VAC14: variants seen among roughly 807,000 people sequenced by gnomAD.
VAC14 encodes the protein VAC14 component of PIKFYVE complex.
Under a neutral mutation model 85.3 loss-of-function variants are expected in VAC14, and 47 were observed. That is an observed-to-expected ratio of 0.55 (90% CI 0.44 to 0.70). VAC14 has a LOEUF of 0.70. VAC14 is among the 30% of genes least tolerant of loss of function. The probability of loss-of-function intolerance (pLI) is 0.00; values close to 1 mark genes in which losing one functional copy is unlikely to be tolerated. For synonymous variants in VAC14, 447 were observed against 430.5 expected, an observed-to-expected ratio of 1.04 and a Z score of -0.47; for missense variants, 861 against 1,004.3, an observed-to-expected ratio of 0.86 and a Z score of 1.93.
At chr16:70,772,313 G>A in intron 9 of VAC14, 141 bp from the exon 10 acceptor site, 1 of 687,560 alleles carries the variant, frequency 1.5e-6, no homozygotes, top group Non-Finnish European at 2.5e-6. Context: ...TGGCTCTGGA[G>A]CCCTGAGGAC....
intron 13 of VAC14, among the ~76,000 whole-genome samples, chr16:70,735,191 AAC>A (rs544822048): frequency 4.2e-4 from 64 of 152,186 alleles, no homozygotes; most frequent in African/African-American, 1.5e-3. Context: ...CAGAGCGGCC[AAC>A]AGAGGCATCT....
chr16:70,698,939 GC>G, intron 14 of VAC14, 128 bp from the exon 15 acceptor site: 1 of 475,248 alleles, frequency 2.1e-6, no homozygotes, highest in Non-Finnish European at 3.6e-6. Flanking sequence ...CCAGTGTGGA[GC>G]CATGACTCTG....
intron 13 of VAC14, among the ~76,000 whole-genome samples, chr16:70,735,072 A>G (rs2054707479): frequency 6.6e-6 from 1 of 152,192 alleles, no homozygotes; most frequent in African/African-American, 2.4e-5. Context: ...ACGGAAACCC[A>G]GGTCCTGCCA....
intron 18 of VAC14, chr16:70,691,241 C>T (rs1042935835): frequency 2.2e-5 from 22 of 985,322 alleles, no homozygotes; most frequent in Middle Eastern, 5.2e-4. Flanking sequence ...CTCGGAGACC[C>T]GGGAGAGGCT....
chr16:70,725,872 A>C (rs2054412554), intron 14 of VAC14, among the ~76,000 whole-genome samples: 2 of 152,240 alleles, frequency 1.3e-5, no homozygotes, highest in Admixed American at 1.3e-4. Flanking sequence ...GGTTCGGATC[A>C]GGCCCTGGCA....
intron 1 of VAC14, among the ~76,000 whole-genome samples, chr16:70,798,562 G>A (rs960062607): frequency 1.3e-5 from 2 of 152,210 alleles, no homozygotes; most frequent in African/African-American, 4.8e-5. Flanking sequence ...ATGTTCTGAG[G>A]AAGGCATTGA....
At chr16:70,726,239 C>T (rs566676306) in intron 14 of VAC14, among the ~76,000 whole-genome samples, 4 of 152,298 alleles carry the variant, frequency 2.6e-5, no homozygotes, top group South Asian at 2.1e-4. Context: ...GGGAAGAGGC[C>T]GGGGGAAGGC....
chr16:70,693,828 G>A (rs985850894), intron 17 of VAC14, among the ~76,000 whole-genome samples: 6 of 152,212 alleles, frequency 3.9e-5, no homozygotes, highest in African/African-American at 1.4e-4. Flanking sequence ...TGTGCTTTGG[G>A]AGAGGGACTA....
At chr16:70,706,008 C>T (rs1223792480) in intron 14 of VAC14, among the ~76,000 whole-genome samples, 1 of 152,192 alleles carries the variant, frequency 6.6e-6, no homozygotes, top group African/African-American at 2.4e-5. Flanking sequence ...CCCAAGAACC[C>T]TATCGGGTTC....
chr16:70,790,887 C>G (rs769897526), intron 1 of VAC14, among the ~76,000 whole-genome samples: 1 of 152,206 alleles, frequency 6.6e-6, no homozygotes, highest in Admixed American at 6.5e-5. Context: ...GGAAAACAGG[C>G]GTCAGGCAGA....
intron 15 of VAC14, 70 bp downstream of exon 15, chr16:70,698,567 C>T (rs909504599): frequency 3.0e-5 from 47 of 1,571,358 alleles, no homozygotes; most frequent in African/African-American, 4.1e-5. Flanking sequence ...AGCCGAGGGG[C>T]GGGCTCACAC....
At chr16:70,719,649 A>G (rs1452176763) in intron 14 of VAC14, among the ~76,000 whole-genome samples, 1 of 152,208 alleles carries the variant, frequency 6.6e-6, no homozygotes, top group Non-Finnish European at 1.5e-5. Context: ...CTTTAGGGAA[A>G]TGCATATTAA....
chr16:70,780,640 T>C (rs1328557890), intron 9 of VAC14, 150 bp downstream of exon 9: 2 of 979,638 alleles, frequency 2.0e-6, no homozygotes, highest in Non-Finnish European at 2.9e-6. Flanking sequence ...GAACCACTGC[T>C]GCCACTGCGC....
intron 12 of VAC14, among the ~76,000 whole-genome samples, chr16:70,746,538 C>T (rs13336094): frequency 0.03 from 4,534 of 152,274 alleles, 229 homozygotes; most frequent in African/African-American, 0.1. Context: ...CCACACAGCC[C>T]AGTCATATGG....
At chr16:70,767,521 C>T (rs552820092) in intron 10 of VAC14, among the ~76,000 whole-genome samples, 1 of 152,362 alleles carries the variant, frequency 6.6e-6, no homozygotes, top group East Asian at 1.9e-4. Flanking sequence ...TCACTGAAGA[C>T]ATCATGACCC....
At chr16:70,754,649 G>C (rs904234286) in intron 12 of VAC14, among the ~76,000 whole-genome samples, 1 of 152,152 alleles carries the variant, frequency 6.6e-6, no homozygotes, top group Non-Finnish European at 1.5e-5. Context: ...CGGGCCATCA[G>C]TGCCCACCCA....
chr16:70,703,296 T>C (rs2053863752), intron 14 of VAC14, among the ~76,000 whole-genome samples: 1 of 152,170 alleles, frequency 6.6e-6, no homozygotes, highest in African/African-American at 2.4e-5. Context: ...GACAATGGCC[T>C]GGAATGTGCT....
chr16:70,775,406 C>G (rs1291360505), intron 9 of VAC14, among the ~76,000 whole-genome samples: 2 of 152,244 alleles, frequency 1.3e-5, no homozygotes, highest in East Asian at 3.8e-4. Flanking sequence ...AACGGGATCA[C>G]AAAACTTATT....
At chr16:70,760,204 G>A (rs1320852044) in intron 12 of VAC14, among the ~76,000 whole-genome samples, 1 of 152,170 alleles carries the variant, frequency 6.6e-6, no homozygotes, top group East Asian at 1.9e-4. Flanking sequence ...CTGTGTTCCT[G>A]CTTAACCTAA....
Sources: allele counts gnomAD v4.1 joint callset (sites outside exome capture counted in the v4.1 genomes callset), GRCh38; gene constraint gnomAD v4.1.1; transcripts MANE v1.5; gene names NCBI Gene and HGNC (gene_info 2026-07-23, HGNC 2026-07-21).